NR6A1: variants seen among roughly 807,000 people sequenced by gnomAD.
NR6A1 encodes the protein retinoic acid receptor-related testis-associated receptor.
Under a neutral mutation model 59.1 loss-of-function variants are expected in NR6A1, and 7 were observed. The observed-to-expected ratio is 0.12, with a 90% confidence interval of 0.07 to 0.22. The LOEUF (loss-of-function observed/expected upper bound fraction) is 0.22. NR6A1 is among the 10% of genes least tolerant of loss of function. The pLI is 1.00. For synonymous variants in NR6A1, 243 were observed against 236.1 expected (o/e 1.03, Z -0.27); for missense variants, 468 against 611.6 (o/e 0.77, Z 2.48).
At chr9:124,647,780 TA>T (rs1402989085) in intron 2 of NR6A1, among the ~76,000 whole-genome samples, 2 of 149,808 alleles carry the variant, frequency 1.3e-5, no homozygotes, top group East Asian at 3.9e-4. Flanking sequence ...TAGAAAACCT[TA>T]ACAGAACAAT....
rs143177380 is a variant in NR6A1, at chr9:124,656,319, C to T, written c.142+76989G>A. 5.5e-3 allele frequency among the ~76,000 whole-genome samples: 839 copies of T among 152,216 alleles called. 7 individuals carry two copies. Among genetic ancestry groups the T allele is most frequent in the African/African-American group, 0.019 (797 of 41,512 alleles). ...ATAAACCTCTTTTCTTTATAAATTA[C>T]CCAGCCTCAGGTATTCCTTTACAGC... On this transcript the variant is annotated intron_variant, in intron 2 of 9. Transcript: ENST00000487099.
At chr9:124,616,317 C>T (rs572787251) in intron 2 of NR6A1, among the ~76,000 whole-genome samples, 4 of 150,158 alleles carry the variant, frequency 2.7e-5, no homozygotes, top group African/African-American at 7.4e-5. Flanking sequence ...GCAGGAGAAT[C>T]GCTTGAACTC....
chr9:124,525,699 C>CTATATA (rs548256064), intron 8 of NR6A1, among the ~76,000 whole-genome samples: 2 of 147,140 alleles, frequency 1.4e-5, no homozygotes, highest in South Asian at 2.2e-4. Flanking sequence ...CTCTCTCTCT[C>CTATATA]TATATATATA....
At chr9:124,613,528 C>A (rs1278092542) in intron 2 of NR6A1, among the ~76,000 whole-genome samples, 1 of 151,684 alleles carries the variant, frequency 6.6e-6, no homozygotes, top group Non-Finnish European at 1.5e-5. Flanking sequence ...AGGCATGGTG[C>A]CACACACCTG....
At chr9:124,532,661 C>T (rs1833134978) in intron 7 of NR6A1, among the ~76,000 whole-genome samples, 1 of 152,174 alleles carries the variant, frequency 6.6e-6, no homozygotes, top group Admixed American at 6.5e-5. Flanking sequence ...GTCCTAACAA[C>T]AAATCCATTC....
At chr9:124,754,505 A>C (rs1024193444) in intron 1 of NR6A1, among the ~76,000 whole-genome samples, 2 of 152,210 alleles carry the variant, frequency 1.3e-5, no homozygotes, top group African/African-American at 2.4e-5. Flanking sequence ...GAGCTGAAGC[A>C]GAGAGGACCT....
intron 1 of NR6A1, among the ~76,000 whole-genome samples, chr9:124,770,782 A>C: frequency 6.9e-6 from 1 of 145,788 alleles, no homozygotes; most frequent in Admixed American, 6.7e-5. Context: ...GGACCCGGGC[A>C]GGGGGAGGGT....
intron 2 of NR6A1, among the ~76,000 whole-genome samples, chr9:124,572,358 T>TA (rs1368204506): frequency 6.6e-6 from 1 of 152,250 alleles, no homozygotes; most frequent in Non-Finnish European, 1.5e-5. Flanking sequence ...ATCTTGTCAC[T>TA]AATCATCTAA....
intron 2 of NR6A1, among the ~76,000 whole-genome samples, chr9:124,706,043 C>T (rs545252592): frequency 1.8e-4 from 28 of 152,192 alleles, no homozygotes; most frequent in South Asian, 4.1e-4. Context: ...CCCAAAGTGC[C>T]GGGATTACAG....
intron 2 of NR6A1, among the ~76,000 whole-genome samples, chr9:124,605,020 C>T (rs181149173): frequency 1.5e-3 from 233 of 152,116 alleles, no homozygotes; most frequent in African/African-American, 5.3e-3. Flanking sequence ...AATCATCAAA[C>T]GCTGCTAACC....
intron 2 of NR6A1, among the ~76,000 whole-genome samples, chr9:124,651,919 A>G (rs889659303): frequency 5.9e-5 from 9 of 152,194 alleles, no homozygotes; most frequent in Non-Finnish European, 1.3e-4. Flanking sequence ...TGCCTCTCCC[A>G]AGAAACAAAG....
At chr9:124,526,551 A>G (rs973772727) in intron 8 of NR6A1, among the ~76,000 whole-genome samples, 1 of 152,018 alleles carries the variant, frequency 6.6e-6, no homozygotes, top group Non-Finnish European at 1.5e-5. Flanking sequence ...AGATTGTGGC[A>G]TTTCAGTTTG....
At chr9:124,604,797 G>C (rs1835535149) in intron 2 of NR6A1, among the ~76,000 whole-genome samples, 1 of 151,654 alleles carries the variant, frequency 6.6e-6, no homozygotes, top group African/African-American at 2.4e-5. Context: ...CTGAGTGACA[G>C]AGCAAGACCC....
At chr9:124,594,333 G>T (rs1016486891) in intron 2 of NR6A1, among the ~76,000 whole-genome samples, 1 of 152,136 alleles carries the variant, frequency 6.6e-6, no homozygotes, top group African/African-American at 2.4e-5. Context: ...ATGAACCAGG[G>T]GAGAACTTTC....
chr9:124,566,408 A>G (rs1197908216), intron 2 of NR6A1, among the ~76,000 whole-genome samples: 1 of 152,242 alleles, frequency 6.6e-6, no homozygotes, highest in Non-Finnish European at 1.5e-5. Context: ...TAAAAAGCTG[A>G]AAATAAAACA....
intron 2 of NR6A1, among the ~76,000 whole-genome samples, chr9:124,579,464 G>C (rs924152368): frequency 6.6e-5 from 10 of 152,104 alleles, no homozygotes; most frequent in African/African-American, 2.4e-4. Flanking sequence ...GTAGCTACTG[G>C]GAGGGTCACT....
chr9:124,743,111 C>T (rs1038950935), intron 1 of NR6A1, among the ~76,000 whole-genome samples: 2 of 152,296 alleles, frequency 1.3e-5, no homozygotes, highest in African/African-American at 4.8e-5. Context: ...AACTACACAG[C>T]CTGCCTTACA....
intron 1 of NR6A1, among the ~76,000 whole-genome samples, chr9:124,764,482 A>C (rs1004080246): frequency 1.4e-5 from 2 of 141,588 alleles, no homozygotes; most frequent in Non-Finnish European, 2.9e-5. Flanking sequence ...TTATACACAG[A>C]TCTAAAAATC....
At chr9:124,707,591 A>G (rs895936958) in intron 2 of NR6A1, among the ~76,000 whole-genome samples, 3 of 151,858 alleles carry the variant, frequency 2.0e-5, no homozygotes, top group African/African-American at 7.3e-5. Context: ...TTGTGATACT[A>G]AACATTTAAA....
Sources: gnomAD v4.1 joint callset for allele counts (sites outside exome capture counted in the v4.1 genomes callset) on GRCh38, gnomAD v4.1.1 for gene constraint, MANE v1.5 for transcripts, NCBI Gene and HGNC (gene_info 2026-07-23, HGNC 2026-07-21) for gene names.